The following PACRGL variants were observed in gnomAD, a reference collection of about 807,000 sequenced individuals.
The protein encoded by PACRGL is parkin coregulated like, also known as PACRG-like protein.
A neutral mutation model predicts 34.5 loss-of-function variants in PACRGL; 38 were observed. The ratio of observed to expected loss-of-function variants is 1.10; its 90% CI spans 0.85 to 1.44. The LOEUF (loss-of-function observed/expected upper bound fraction) is 1.44. Ranked by LOEUF, PACRGL falls within the 40% of genes most tolerant of loss-of-function variation. PACRGL has a pLI of 0.00. For synonymous variants in PACRGL, 128 were observed against 100.1 expected (o/e 1.28, Z -1.66); for missense variants, 305 against 281.4 (o/e 1.08, Z -0.60).
At chr4:20,739,334 A>G (rs1300147462) in intron 8 of PACRGL, among the ~76,000 whole-genome samples, 2 of 152,190 alleles carry the variant, frequency 1.3e-5, no homozygotes, top group Non-Finnish European at 2.9e-5. Context: ...ACCTCCTAGT[A>G]GGGGCAGACT....
At position 20,729,090 on chromosome 4, in the gene PACRGL, A is replaced by G. The variant is rs564171608; in HGVS notation, c.*1749A>G. 1.3e-5 allele frequency: 2 copies of G among 152,044 alleles called. No individual in the cohort carries two copies. Among genetic ancestry groups the G allele is most frequent in the South Asian group, 2.2e-4 (1 of 4,460 alleles). The allele number at this position is 152,044 out of a possible 1,614,324, so 9.4% of individuals were successfully genotyped here. ...TTTGCTTGCTGTTTGTTCTTAGTAG[A>G]CAGTGGGGTAGTCAAGGTTTCTTTC... On this transcript the variant is annotated 3_prime_UTR_variant, in exon 9 of 9. Transcript: ENST00000503585.
At position 20,728,719 on chromosome 4, in the gene PACRGL, A is replaced by G. The variant is rs935468347; in HGVS notation, c.*1378A>G. On this transcript the variant is annotated 3_prime_UTR_variant, in exon 9 of 9. Coordinates refer to ENST00000503585, the MANE Select transcript of PACRGL (RefSeq NM_001258345.3). ...AATTTCAGTGTACATGTATTGTACT[A>G]CTCTTAATTTCTACACTGGTGATAG... 1 of 152,420 alleles carries G rather than the reference A, an allele frequency of 6.6e-6. No individual in the cohort carries two copies. Among genetic ancestry groups the G allele is most frequent in the African/African-American group, 2.4e-5 (1 of 41,378 alleles). The allele number at this position is 152,420 out of a possible 1,614,324, so 9.4% of individuals were successfully genotyped here. A position where few individuals can be genotyped will look rare whatever the true frequency, so the allele number is the denominator to read the frequency against.
Position 20,732,118 on chromosome 4 carries a change from C to A in PACRGL, c.*4777C>A. On this transcript the variant is annotated 3_prime_UTR_variant, in exon 9 of 9. Coordinates refer to ENST00000503585, the MANE Select transcript of PACRGL (RefSeq NM_001258345.3). ...GTATTTAGACTTATCCCTTAATACCCTCACACCTGGACCAAATGAGCTGAA... is the reference window on the plus strand; with the variant it reads ...GTATTTAGACTTATCCCTTAATACCATCACACCTGGACCAAATGAGCTGAA... 2.4e-6 allele frequency: 3 copies of A among 1,276,012 alleles called. No homozygotes were observed. The highest frequency in any genetic ancestry group is 2.3e-5 in the East Asian group (1 of 43,112). 79.0% of individuals were successfully genotyped at this position (1,276,012 alleles called of 1,614,324 possible).
intron 8 of PACRGL, among the ~76,000 whole-genome samples, chr4:20,742,117 T>A (rs1382389201): frequency 6.6e-6 from 1 of 152,212 alleles, no homozygotes; most frequent in Non-Finnish European, 1.5e-5. Flanking sequence ...CCAGATGGAT[T>A]CACAGCTGAA....
At chr4:20,716,422 G>C (rs917613561) in intron 7 of PACRGL, among the ~76,000 whole-genome samples, 2 of 151,948 alleles carry the variant, frequency 1.3e-5, no homozygotes. Context: ...GTATGTATAC[G>C]TGTGCCATGT....
chr4:20,699,413 A>G (rs139468412), upstream of PACRGL, among the ~76,000 whole-genome samples: 597 of 152,352 alleles, frequency 3.9e-3, 6 homozygotes, highest in African/African-American at 0.013. Context: ...AATTAGACAT[A>G]GACAGAATTT....
chr4:20,721,738 G>A (rs994470726), intron 7 of PACRGL, among the ~76,000 whole-genome samples: 2 of 152,194 alleles, frequency 1.3e-5, no homozygotes, highest in Non-Finnish European at 2.9e-5. Flanking sequence ...TGCCCCTACT[G>A]GGGGGTGCCT....
At chr4:20,701,709 C>T (rs1732236707) in intron 1 of PACRGL, 4 of 350,084 alleles carry the variant, frequency 1.1e-5, no homozygotes, top group Non-Finnish European at 2.3e-5. Context: ...TCCCGTCGTC[C>T]CTTGGTGTCC....
downstream of PACRGL, among the ~76,000 whole-genome samples, chr4:20,733,173 G>A (rs1356346371): frequency 6.6e-6 from 1 of 151,988 alleles, no homozygotes; most frequent in African/African-American, 2.4e-5. Flanking sequence ...CAAATATACG[G>A]CACATCGTAT....
At chr4:20,739,261 T>G (rs925755445) in intron 8 of PACRGL, among the ~76,000 whole-genome samples, 3 of 152,212 alleles carry the variant, frequency 2.0e-5, no homozygotes, top group Non-Finnish European at 4.4e-5. Flanking sequence ...GTTTGAGATC[T>G]GAGAACAGAC....
chr4:20,707,716 C>A, intron 3 of PACRGL, 87 bp from the exon 4 acceptor site: 1 of 1,054,488 alleles, frequency 9.5e-7, no homozygotes. Context: ...GCTTCGATAC[C>A]AGCTTGGCGG....
chr4:20,700,415 T>A (rs1031698000), upstream of PACRGL: 1 of 152,096 alleles, frequency 6.6e-6, no homozygotes, highest in East Asian at 1.9e-4. Flanking sequence ...CTGACGTCAT[T>A]GCGCGGCGCG....
At chr4:20,725,584 G>T (rs1745300110) in intron 8 of PACRGL, among the ~76,000 whole-genome samples, 1 of 152,000 alleles carries the variant, frequency 6.6e-6, no homozygotes, top group South Asian at 2.1e-4. Context: ...TGTTTAATCA[G>T]ATCTTAATGA....
In PACRGL at chr4:20,730,543, G is replaced by A. The variant is rs1747811567; in HGVS notation, c.*3202G>A. Among the ~76,000 whole-genome samples, 1 of 151,918 alleles carries A rather than the reference G, an allele frequency of 6.6e-6. No individual in the cohort carries two copies. The highest frequency in any genetic ancestry group is 1.5e-5 in the Non-Finnish European group (1 of 68,018). ...GTACAAGGAAAATTTGTGTGTATGA[G>A]CCAGCAGTTCATGAAGATTGGAGGC... is the stretch of plus-strand genomic sequence containing the variant. On this transcript the variant is annotated 3_prime_UTR_variant, in exon 9 of 9. Coordinates refer to ENST00000503585, the MANE Select transcript of PACRGL (RefSeq NM_001258345.3).
At chr4:20,757,269 A>T (rs143012082), downstream of PACRGL, among the ~76,000 whole-genome samples, 3 of 152,178 alleles carry the variant, frequency 2.0e-5, no homozygotes, top group African/African-American at 7.2e-5. Context: ...TCTCCTATGC[A>T]TATACTTATT....
downstream of PACRGL, among the ~76,000 whole-genome samples, chr4:20,735,460 T>G (rs2149277114): frequency 6.6e-6 from 1 of 152,298 alleles, no homozygotes; most frequent in Non-Finnish European, 1.5e-5. Flanking sequence ...CCTCAGTTTG[T>G]ATCCTGGTTA....
Position 20,711,084 on chromosome 4 carries a change from A to AC in PACRGL, c.366+1311_366+1312insC, listed in dbSNP as rs542353928. Among the ~76,000 whole-genome samples, 217 of 151,792 alleles carry AC rather than the reference A, an allele frequency of 1.4e-3. 2 individuals are homozygous for AC. Among genetic ancestry groups the AC allele is most frequent in the Non-Finnish European group, 2.0e-3 (138 of 67,894 alleles). ...CACAGTAGAGTGAGATGCTATCTCA[A>AC]ACACACACACACACAAAATTAGTTA... On this transcript the variant is annotated intron_variant, in intron 5 of 8. Transcript: ENST00000503585.
At chr4:20,759,544 G>A in the PACRGL span, among the ~76,000 whole-genome samples, 6 of 152,134 alleles carry the variant, frequency 3.9e-5, no homozygotes, top group Non-Finnish European at 8.8e-5. Flanking sequence ...AAGAATGATG[G>A]ACATTGATCT....
At chr4:20,704,906 C>A in intron 3 of PACRGL, 92 bp downstream of exon 3, 1 of 1,424,568 alleles carries the variant, frequency 7.0e-7, no homozygotes, top group Non-Finnish European at 9.7e-7. Context: ...AGTTTTGTCC[C>A]TTTGCTAGTT....
Sources: allele counts gnomAD v4.1 joint callset (sites outside exome capture counted in the v4.1 genomes callset), GRCh38; gene constraint gnomAD v4.1.1; transcripts MANE v1.5; gene names NCBI Gene and HGNC (gene_info 2026-07-23, HGNC 2026-07-21).